Variants in EPHA7 observed in about 807,000 individuals in gnomAD.
The protein encoded by EPHA7 is EPH receptor A7.
Under a neutral mutation model 112.6 loss-of-function variants are expected in EPHA7, and 25 were observed. The observed-to-expected ratio is 0.22, with a 90% confidence interval of 0.16 to 0.31. EPHA7 has a LOEUF of 0.31. EPHA7 is among the 10% of genes least tolerant of loss of function. The probability of loss-of-function intolerance (pLI) is 1.00; values close to 1 mark genes in which losing one functional copy is unlikely to be tolerated. For missense variants in EPHA7, 962 were observed against 1,212.6 expected, an observed-to-expected ratio of 0.79 and a Z score of 3.07; for synonymous variants, 437 against 406.5, an observed-to-expected ratio of 1.07 and a Z score of -0.90.
intron 5 of EPHA7, among the ~76,000 whole-genome samples, chr6:93,341,397 G>C (rs905467372): frequency 6.6e-6 from 1 of 151,374 alleles, no homozygotes; most frequent in Non-Finnish European, 1.5e-5. Context: ...GAGTGTGCGT[G>C]TGTGTGTGTG....
chr6:93,322,821 T>C (rs1774141221), intron 5 of EPHA7, among the ~76,000 whole-genome samples: 1 of 151,610 alleles, frequency 6.6e-6, no homozygotes, highest in Non-Finnish European at 1.5e-5. Context: ...TTACTCACTA[T>C]GGTAAGCAGT....
intron 1 of EPHA7, among the ~76,000 whole-genome samples, chr6:93,415,353 G>C (rs376734184): frequency 1.4e-4 from 21 of 151,864 alleles, no homozygotes; most frequent in Non-Finnish European, 2.9e-4. Context: ...TTTTATTCAG[G>C]TTAGTCAAGC....
chr6:93,284,205 G>C (rs574773934), intron 5 of EPHA7, among the ~76,000 whole-genome samples: 1 of 151,756 alleles, frequency 6.6e-6, no homozygotes, highest in Non-Finnish European at 1.5e-5. Flanking sequence ...TTTTTTGACT[G>C]TATGTTTTCC....
At chr6:93,314,588 G>A (rs1414432161) in intron 5 of EPHA7, among the ~76,000 whole-genome samples, 4 of 151,994 alleles carry the variant, frequency 2.6e-5, no homozygotes, top group Admixed American at 6.6e-5. Flanking sequence ...GACCTACAAC[G>A]ATGACCAAAC....
At chr6:93,269,391 T>C (rs1301328124) in intron 7 of EPHA7, 86 bp downstream of exon 7, 1 of 1,045,058 alleles carries the variant, frequency 9.6e-7, no homozygotes, top group Non-Finnish European at 1.4e-6. Flanking sequence ...ATTATGATGG[T>C]GCAAATGATC....
At chr6:93,243,893 G>A (rs1388251411) in intron 16 of EPHA7, among the ~76,000 whole-genome samples, 2 of 151,984 alleles carry the variant, frequency 1.3e-5, no homozygotes, top group Non-Finnish European at 2.9e-5. Context: ...TAGGGATTTA[G>A]AAATTTCTAA....
chr6:93,295,285 G>A (rs1460871671), intron 5 of EPHA7, among the ~76,000 whole-genome samples: 3 of 151,926 alleles, frequency 2.0e-5, no homozygotes, highest in African/African-American at 7.2e-5. Flanking sequence ...TGTTTGGGAT[G>A]ACCTTTAATA....
At chr6:93,395,317 A>G (rs546622635) in intron 3 of EPHA7, among the ~76,000 whole-genome samples, 141 of 151,830 alleles carry the variant, frequency 9.3e-4, no homozygotes, top group Non-Finnish European at 1.6e-3. Flanking sequence ...TGAACTAGTA[A>G]TTCAGAATTG....
intron 5 of EPHA7, among the ~76,000 whole-genome samples, chr6:93,312,129 T>G (rs1773573696): frequency 6.6e-6 from 1 of 152,162 alleles, no homozygotes. Flanking sequence ...AAATGAGCAG[T>G]ATCTCCAACT....
At chr6:93,248,456 A>T (rs554416306) in intron 14 of EPHA7, among the ~76,000 whole-genome samples, 2 of 152,264 alleles carry the variant, frequency 1.3e-5, no homozygotes, top group Admixed American at 1.3e-4. Flanking sequence ...ATAAAATTTA[A>T]GACCAAACTC....
intron 3 of EPHA7, among the ~76,000 whole-genome samples, chr6:93,388,075 C>T (rs1359285417): frequency 6.6e-6 from 1 of 152,060 alleles, no homozygotes; most frequent in African/African-American, 2.4e-5. Flanking sequence ...AAATAGTCCA[C>T]CAACAAAAGA....
At chr6:93,399,380 G>A (rs1473713878) in intron 3 of EPHA7, among the ~76,000 whole-genome samples, 1 of 151,944 alleles carries the variant, frequency 6.6e-6, no homozygotes, top group East Asian at 1.9e-4. Context: ...TGAAAATAAA[G>A]AAGTTTGTTT....
chr6:93,369,102 G>A (rs1776652229), intron 3 of EPHA7, among the ~76,000 whole-genome samples: 1 of 150,398 alleles, frequency 6.6e-6, no homozygotes, highest in Admixed American at 6.7e-5. Context: ...TTAGAAAAAT[G>A]TTGTTGAGCT....
intron 3 of EPHA7, among the ~76,000 whole-genome samples, chr6:93,395,657 C>G (rs1397953475): frequency 2.0e-5 from 3 of 151,362 alleles, no homozygotes; most frequent in Non-Finnish European, 4.4e-5. Flanking sequence ...AACATTATTT[C>G]TCAAATGACA....
At chr6:93,376,009 T>C (rs73532360) in intron 3 of EPHA7, among the ~76,000 whole-genome samples, 3,757 of 152,230 alleles carry the variant, frequency 0.025, 157 homozygotes, top group African/African-American at 0.085. Context: ...TGGCAGAAGA[T>C]AGTCAGAAGG....
chr6:93,260,811 AAAAG>A (rs1770653371), intron 9 of EPHA7: 1 of 882,422 alleles, frequency 1.1e-6, no homozygotes. Flanking sequence ...ACACGAGAAG[AAAAG>A]AGAGAGGGGA....
chr6:93,343,729 T>A (rs2127925017), intron 5 of EPHA7, among the ~76,000 whole-genome samples: 1 of 151,718 alleles, frequency 6.6e-6, no homozygotes, highest in South Asian at 2.1e-4. Flanking sequence ...ATAATTAAGA[T>A]CCATTCATCC....
chr6:93,368,550 G>A lies in EPHA7; in HGVS notation c.833-10139C>T, dbSNP rs9445098. Among the ~76,000 whole-genome samples, 1,181 of 152,110 alleles carry A rather than the reference G, an allele frequency of 7.8e-3. 18 individuals carry two copies. Among genetic ancestry groups the A allele is most frequent in the African/African-American group, 0.027 (1,121 of 41,498 alleles). On this transcript the variant is annotated intron_variant, in intron 3 of 16. Transcript: ENST00000369303. ...ATTGCAACTTTAGTCCAATTCGAAGGATTAAAATTGGACTATCTTGTGAGT... is the reference window on the plus strand; with the variant it reads ...ATTGCAACTTTAGTCCAATTCGAAGAATTAAAATTGGACTATCTTGTGAGT...
At chr6:93,301,913 C>T (rs1772996770) in intron 5 of EPHA7, among the ~76,000 whole-genome samples, 1 of 152,142 alleles carries the variant, frequency 6.6e-6, no homozygotes, top group South Asian at 2.1e-4. Context: ...TTACTCTATC[C>T]TTAGTCATCA....
Sources: allele counts gnomAD v4.1 joint callset (sites outside exome capture counted in the v4.1 genomes callset), GRCh38; gene constraint gnomAD v4.1.1; transcripts MANE v1.5; gene names NCBI Gene and HGNC (gene_info 2026-07-23, HGNC 2026-07-21).